The following PCMTD2 variants were observed in gnomAD, a reference collection of about 807,000 sequenced individuals.
The protein encoded by PCMTD2 is protein-L-isoaspartate O-methyltransferase domain-containing protein 2.
A neutral mutation model predicts 33.4 loss-of-function variants in PCMTD2; 16 were observed. The observed-to-expected ratio is 0.48, with a 90% CI of 0.32 to 0.73. The LOEUF (loss-of-function observed/expected upper bound fraction) is 0.73, where lower values mean the gene tolerates loss of function less well. Among genes scored for constraint, PCMTD2 ranks in the 30% least tolerant of loss-of-function variants. The probability of loss-of-function intolerance (pLI) is 0.03; values close to 1 mark genes in which losing one functional copy is unlikely to be tolerated. For synonymous variants in PCMTD2, 161 were observed against 160.8 expected, an observed-to-expected ratio of 1.00 and a Z score of -0.01; for missense variants, 374 against 449.9, an observed-to-expected ratio of 0.83 and a Z score of 1.53.
At chr20:64,270,540 G>T (rs1985872145) in intron 5 of PCMTD2, among the ~76,000 whole-genome samples, 1 of 152,026 alleles carries the variant, frequency 6.6e-6, no homozygotes, top group South Asian at 2.1e-4. Context: ...TTGTGAGTGC[G>T]GGCGTGCATG....
intron 3 of PCMTD2, 74 bp downstream of exon 3, chr20:64,264,605 A>G: frequency 9.1e-6 from 7 of 773,304 alleles, no homozygotes; most frequent in Non-Finnish European, 1.4e-5. Context: ...AGATAGAAAG[A>G]AATCATGTGG....
At chr20:64,264,566 G>A (rs777925346) in intron 3 of PCMTD2, 35 bp downstream of exon 3, 1 of 1,015,698 alleles carries the variant, frequency 9.8e-7, no homozygotes, top group South Asian at 1.3e-5. Context: ...CTCAGATGAT[G>A]TGAACTGTAA....
Position 64,264,444 on chromosome 20 carries a change from A to G in PCMTD2, c.323A>G (p.Asn108Ser). ...VGLILGPFGV[N>S]HGVELHSDVI... ...AACCTTTTAGGTCCTTTTGGTGTGAACCATGGGGTGGAACTTCACTCAGAT... is the reference window on the plus strand; with the variant it reads ...AACCTTTTAGGTCCTTTTGGTGTGAGCCATGGGGTGGAACTTCACTCAGAT... The change falls in exon 3 of 6, where the codon AAC becomes AGC. Residue 108 changes from asparagine (N) to serine (S), a missense_variant. Coordinates refer to ENST00000308824, the MANE Select transcript of PCMTD2 (RefSeq NM_018257.3). 6.3e-7 allele frequency: 1 copy of G among 1,588,556 alleles called. No individual in the cohort carries two copies. Among genetic ancestry groups the G allele is most frequent in the Non-Finnish European group, 8.6e-7 (1 of 1,156,906 alleles).
At chr20:64,272,478 T>C (rs907571375) in intron 5 of PCMTD2, among the ~76,000 whole-genome samples, 2 of 152,218 alleles carry the variant, frequency 1.3e-5, no homozygotes, top group African/African-American at 4.8e-5. Context: ...TTAATAAAAA[T>C]GGAGCAAATG....
chr20:64,266,751 G>T (rs1004215070), intron 4 of PCMTD2, among the ~76,000 whole-genome samples: 1 of 152,176 alleles, frequency 6.6e-6, no homozygotes, highest in Non-Finnish European at 1.5e-5. Context: ...AAATGCATTG[G>T]ATTTTTTATT....
chr20:64,265,836 A>C (rs184896206), intron 4 of PCMTD2, among the ~76,000 whole-genome samples: 44 of 152,174 alleles, frequency 2.9e-4, no homozygotes, highest in African/African-American at 2.4e-5. Flanking sequence ...CATTAGTCTA[A>C]TTGTTACATG....
chr20:64,267,368 CAA>C (rs1985705536), intron 4 of PCMTD2, among the ~76,000 whole-genome samples: 1 of 152,148 alleles, frequency 6.6e-6, no homozygotes, highest in Admixed American at 6.5e-5. Context: ...CCCAGGCATC[CAA>C]GATGACAAGT....
In PCMTD2 at chr20:64,267,891, C is replaced by T. The variant is rs201507438; in HGVS notation, c.587C>T (p.Thr196Ile). 4 of 1,612,878 alleles carry T rather than the reference C, an allele frequency of 2.5e-6. No individual in the cohort carries two copies. In the East Asian group the frequency reaches 8.9e-5, roughly 36 times the overall value. The change falls in exon 5 of 6, where the codon ACT becomes ATT. Residue 196 changes from threonine to isoleucine, a missense_variant. Thr to Ile is a moderately conservative substitution (Grantham distance 89). Transcript: ENST00000308824. ...ILVMPLEEKLTKITRTGPSAW... is the reference protein window; with the variant it reads ...ILVMPLEEKLIKITRTGPSAW... The stretch of plus-strand genomic sequence containing the variant: ...CTCATTTTGTCTCTGGGATAGTTGA[C>T]TAAGATAACACGCACAGGTCCTTCA...
At chr20:64,263,748 A>T (rs1434744284) in intron 2 of PCMTD2, among the ~76,000 whole-genome samples, 1 of 152,174 alleles carries the variant, frequency 6.6e-6, no homozygotes, top group African/African-American at 2.4e-5. Context: ...TGCATCTTCC[A>T]GAAAGGTGAT....
intron 5 of PCMTD2, among the ~76,000 whole-genome samples, chr20:64,269,259 C>T (rs1568736388): frequency 1.3e-5 from 2 of 152,198 alleles, no homozygotes; most frequent in African/African-American, 4.8e-5. Context: ...TAAGTAACTG[C>T]CGCCCTTGGC....
chr20:64,260,758 T>C (rs1305831014), intron 2 of PCMTD2, among the ~76,000 whole-genome samples: 1 of 143,036 alleles, frequency 7.0e-6, no homozygotes, highest in African/African-American at 2.7e-5. Flanking sequence ...TAGGCTGGAG[T>C]GCCGTGACAC....
At chr20:64,273,110 A>T in intron 5 of PCMTD2, 111 bp from the exon 6 acceptor site, 1 of 817,876 alleles carries the variant, frequency 1.2e-6, no homozygotes, top group Admixed American at 2.5e-5. Context: ...CTTGTAACAT[A>T]TTCATAAATT....
intron 1 of PCMTD2, chr20:64,256,489 C>T (rs551097359): frequency 1.3e-5 from 2 of 152,142 alleles, no homozygotes; most frequent in East Asian, 1.9e-4. Context: ...ATATCCACGC[C>T]CTCTTTATCC....
chr20:64,267,963 TC>T lies in PCMTD2; in HGVS notation c.661del (p.Gln221SerfsTer44). 1 of 1,613,050 alleles carries T rather than the reference TC, an allele frequency of 6.2e-7. No homozygotes were observed. Among genetic ancestry groups the T allele is most frequent in the Non-Finnish European group, 8.5e-7 (1 of 1,179,046 alleles). On this transcript the variant is annotated frameshift_variant, in exon 5 of 6. Transcript: ENST00000308824. LOFTEE classifies it high-confidence loss of function. ...CTTGCTGTTTCTTTTGCTCCTCTGATCCAGCCCTGCCATTCAGAGTCAGGAA... is the reference window on the plus strand; with the variant it reads ...CTTGCTGTTTCTTTTGCTCCTCTGATCAGCCCTGCCATTCAGAGTCAGGAA... ...KILAVSFAPL[I>X]QPCHSESGKS...
intron 5 of PCMTD2, among the ~76,000 whole-genome samples, chr20:64,271,288 T>C (rs111423185): frequency 3.7e-4 from 10 of 26,908 alleles, no homozygotes; most frequent in Non-Finnish European, 4.7e-4. Flanking sequence ...AGGAAGGGCA[T>C]GTGAGGTGTT....
intron 1 of PCMTD2, chr20:64,256,825 T>TA (rs1181609422): frequency 6.6e-6 from 1 of 152,252 alleles, no homozygotes; most frequent in Non-Finnish European, 1.5e-5. Context: ...CTTCTCTGTG[T>TA]ATTTAGTAGG....
intron 2 of PCMTD2, among the ~76,000 whole-genome samples, chr20:64,264,052 T>C (rs1985549304): frequency 6.6e-6 from 1 of 152,252 alleles, no homozygotes; most frequent in Non-Finnish European, 1.5e-5. Flanking sequence ...GTGAATATTA[T>C]AATGCTCACA....
rs985433222 is a variant in PCMTD2 at position 64,275,441 on chromosome 20, C to T, written c.*1841C>T. The T allele has an allele frequency of 1.4e-4, 22 of 151,904 alleles. No individual in the cohort carries two copies. The highest frequency in any genetic ancestry group is 2.8e-4 in the Non-Finnish European group (19 of 67,976). 9.4% of individuals were successfully genotyped at this position (151,904 alleles called of 1,614,324 possible). ...ATATGGACTGCATTTTTAAAAAAAC[C>T]GCATTTGCCTTTATGCTAGATTGTA... is the stretch of plus-strand genomic sequence containing the variant. On this transcript the variant is annotated 3_prime_UTR_variant, in exon 6 of 6. Transcript: ENST00000308824.
chr20:64,261,231 A>G (rs6512309), intron 2 of PCMTD2, among the ~76,000 whole-genome samples: 65,792 of 151,880 alleles, frequency 0.43, 14,802 homozygotes, highest in Middle Eastern at 0.49. Context: ...AGGGTGGAAA[A>G]GTTTTGCCGG....
Sources: gnomAD v4.1 joint callset for allele counts (sites outside exome capture counted in the v4.1 genomes callset) on GRCh38, gnomAD v4.1.1 for gene constraint, MANE v1.5 for transcripts, NCBI Gene and HGNC (gene_info 2026-07-23, HGNC 2026-07-21) for gene names.